The following FHOD3 variants were observed in gnomAD, a reference collection of about 807,000 sequenced individuals.
The protein encoded by FHOD3 is formin homology 2 domain containing 3, also known as FH1/FH2 domain-containing protein 3.
In FHOD3, 90 loss-of-function variants were observed where a neutral mutation model predicts 173.0. That is an observed-to-expected ratio of 0.52 (90% CI 0.44 to 0.62). The LOEUF is 0.62. Among genes scored for constraint, FHOD3 ranks in the 20% least tolerant of loss-of-function variants. The pLI is 0.00. For missense variants in FHOD3, 1,945 were observed against 2,034.7 expected, an observed-to-expected ratio of 0.96 and a Z score of 0.85; for synonymous variants, 828 against 823.0, an observed-to-expected ratio of 1.01 and a Z score of -0.10.
intron 18 of FHOD3, among the ~76,000 whole-genome samples, chr18:36,715,163 A>G (rs1021998662): frequency 6.6e-6 from 1 of 152,202 alleles, no homozygotes; most frequent in Admixed American, 6.5e-5. Context: ...CTCATCTTGA[A>G]TTATAGTTCC....
chr18:36,709,179 A>G lies in FHOD3; in HGVS notation c.2321A>G (p.Gln774Arg), dbSNP rs61735994. Residue 774 changes from glutamine to arginine, a missense_variant, in exon 18 of 29, where the codon CAG becomes CGG. By Grantham distance (43) the Gln-to-Arg change is conservative. Coordinates refer to ENST00000590592, the MANE Select transcript of FHOD3 (RefSeq NM_001281740.3). ...GGGCAGGTTGCTGATGAAGCTGGCC[A>G]GGACATAGCCTCTGCCCACGAGGGT... The part of the protein sequence containing the change: ...GAGQVADEAG[Q>R]DIASAHEGAE... The G allele has an allele frequency of 0.03, 48,866 of 1,614,202 alleles. 857 individuals are homozygous for G. Among genetic ancestry groups the G allele is most frequent in the Middle Eastern group, 0.057 (344 of 6,062 alleles).
intron 14 of FHOD3, among the ~76,000 whole-genome samples, chr18:36,666,863 A>G (rs890543648): frequency 2.6e-5 from 4 of 152,180 alleles, no homozygotes; most frequent in African/African-American, 9.6e-5. Context: ...CAATGGAGAT[A>G]ATGTGCATAT....
chr18:36,693,319 C>A lies in FHOD3; in HGVS notation c.2132C>A (p.Ala711Asp), dbSNP rs1301612256. 1 of 1,613,840 alleles carries A rather than the reference C, an allele frequency of 6.2e-7. No individual in the cohort carries two copies. The highest frequency in any genetic ancestry group is 8.5e-7 in the Non-Finnish European group (1 of 1,179,800). The change falls in exon 17 of 29, where the codon GCC becomes GAC. Residue 711 changes from alanine (A) to aspartate (D), a missense_variant. By Grantham distance (126) the Ala-to-Asp change is moderately radical. Around this residue, in one of 5 missense-constraint regions of FHOD3, gnomAD observed 1,099 missense variants for 1,051.2 expected, o/e 1.05. Coordinates refer to ENST00000590592, the MANE Select transcript of FHOD3 (RefSeq NM_001281740.3). ...TCCTTGGACCTGACCTCGCCAGCAG[C>A]CCCAGCCTGCCTGGCTCCTCTGAGC... ...DLSLDLTSPA[A>D]PACLAPLSHS...
rs1407866571 is a variant in FHOD3, at chr18:36,374,253, G to A, written c.337+1509G>A. ...ACTTCTGTATCCTATCGTCCCATGTGATAGATGTAAGATGTGTGACATCTT... is the reference window on the plus strand; with the variant it reads ...ACTTCTGTATCCTATCGTCCCATGTAATAGATGTAAGATGTGTGACATCTT... On this transcript the variant is annotated intron_variant, in intron 3 of 28. Coordinates refer to ENST00000590592, the MANE Select transcript of FHOD3 (RefSeq NM_001281740.3). Among the ~76,000 whole-genome samples, 12 of 152,282 alleles carry A rather than the reference G, an allele frequency of 7.9e-5. No individual in the cohort carries two copies. In the East Asian group the frequency reaches 1.4e-3, roughly 17 times the overall value.
intron 3 of FHOD3, among the ~76,000 whole-genome samples, chr18:36,459,253 A>C (rs2052409233): frequency 6.6e-6 from 1 of 152,248 alleles, no homozygotes; most frequent in African/African-American, 2.4e-5. Context: ...TTGGGCAGAT[A>C]AGTGATACAT....
chr18:36,417,534 A>G (rs761290875), intron 3 of FHOD3, among the ~76,000 whole-genome samples: 1 of 152,204 alleles, frequency 6.6e-6, no homozygotes, highest in Admixed American at 6.5e-5. Flanking sequence ...GAACGTGTGC[A>G]TGTGTCTTTA....
chr18:36,343,692 A>G (rs1301409850), intron 1 of FHOD3, among the ~76,000 whole-genome samples: 2 of 152,110 alleles, frequency 1.3e-5, no homozygotes, highest in African/African-American at 2.4e-5. Flanking sequence ...TTTTGTCATG[A>G]GTGGAAGCAG....
chr18:36,637,920 G>T (rs1373557813), intron 10 of FHOD3, among the ~76,000 whole-genome samples: 1 of 152,154 alleles, frequency 6.6e-6, no homozygotes, highest in Non-Finnish European at 1.5e-5. Flanking sequence ...TAGAAGAAAT[G>T]CACAATACCA....
intron 5 of FHOD3, among the ~76,000 whole-genome samples, chr18:36,562,550 A>T (rs886356543): frequency 3.3e-5 from 5 of 152,206 alleles, no homozygotes; most frequent in Non-Finnish European, 7.3e-5. Context: ...TGCCATTTCC[A>T]GCCATTTGGA....
At chr18:36,603,372 T>G (rs1036956981) in intron 8 of FHOD3, among the ~76,000 whole-genome samples, 7 of 152,114 alleles carry the variant, frequency 4.6e-5, no homozygotes, top group African/African-American at 1.4e-4. Flanking sequence ...GTGTGTGTGC[T>G]TGTGAAGGCC....
At chr18:36,695,353 T>TA (rs56112529) in intron 17 of FHOD3, among the ~76,000 whole-genome samples, 4,364 of 108,928 alleles carry the variant, frequency 0.04, 168 homozygotes, top group African/African-American at 0.12. Context: ...GTCTCAAAAA[T>TA]AAAAAAAAAA....
chr18:36,389,178 A>G lies in FHOD3; in HGVS notation c.337+16434A>G, dbSNP rs566161251. 1.7e-3 allele frequency among the ~76,000 whole-genome samples: 265 copies of G among 152,096 alleles called. 1 individual carries two copies. Among genetic ancestry groups the G allele is most frequent in the Admixed American group, 3.4e-3 (52 of 15,274 alleles). On this transcript the variant is annotated intron_variant, in intron 3 of 28. Coordinates refer to ENST00000590592, the MANE Select transcript of FHOD3 (RefSeq NM_001281740.3). ...CGAATAAAGATGCATTGATGCTTCA[A>G]AAAAAAAGAAGAAGAAGAAGAGGAA...
intron 3 of FHOD3, among the ~76,000 whole-genome samples, chr18:36,411,159 C>G (rs1163118927): frequency 3.9e-5 from 6 of 152,146 alleles, no homozygotes; most frequent in African/African-American, 1.4e-4. Flanking sequence ...ATTTAGGTCT[C>G]TGATCCATTT....
intron 24 of FHOD3, among the ~76,000 whole-genome samples, chr18:36,751,071 A>G (rs1190043622): frequency 6.6e-6 from 1 of 152,218 alleles, no homozygotes; most frequent in Non-Finnish European, 1.5e-5. Flanking sequence ...TGCTTTGGGC[A>G]GTATGGCCAT....
chr18:36,569,544 G>A (rs2058383871), intron 5 of FHOD3, among the ~76,000 whole-genome samples: 1 of 152,098 alleles, frequency 6.6e-6, no homozygotes, highest in Non-Finnish European at 1.5e-5. Flanking sequence ...CTGAAAATCA[G>A]CAAGGCTATG....
intron 3 of FHOD3, among the ~76,000 whole-genome samples, chr18:36,416,764 A>G (rs1022935058): frequency 6.6e-6 from 1 of 151,984 alleles, no homozygotes; most frequent in Non-Finnish European, 1.5e-5. Context: ...TGCAGATCTG[A>G]TTGGGATACT....
intron 3 of FHOD3, among the ~76,000 whole-genome samples, chr18:36,374,674 C>T (rs3744898): frequency 0.019 from 2,840 of 152,310 alleles, 87 homozygotes; most frequent in Admixed American, 0.085. Flanking sequence ...AGAAACTAGA[C>T]TGGAAATCAG....
intron 8 of FHOD3, among the ~76,000 whole-genome samples, chr18:36,609,147 G>C (rs2148583252): frequency 6.6e-6 from 1 of 152,360 alleles, no homozygotes; most frequent in South Asian, 2.1e-4. Flanking sequence ...CAGGAGGAGG[G>C]ATACCAAGTG....
rs1386739193 is a variant in FHOD3 at position 36,681,468 on chromosome 18, T to C, written c.1868T>C (p.Phe623Ser). 2 of 1,613,660 alleles carry C rather than the reference T, an allele frequency of 1.2e-6. No homozygotes were observed. The highest frequency in any genetic ancestry group is 4.5e-5 in the East Asian group (2 of 44,880). The change falls in exon 15 of 29, where the codon TTC (phenylalanine) becomes TCC (serine). Residue 623 changes from phenylalanine to serine, a missense_variant. Around this residue, in one of 5 missense-constraint regions of FHOD3, gnomAD observed 1,099 missense variants for 1,051.2 expected, o/e 1.05. Transcript: ENST00000590592. ...SSPSGLLTSS[F>S]RQHQESLAAE... is the part of the protein sequence containing the mutation. The stretch of plus-strand genomic sequence containing the variant: ...CCGAGTGGTCTTCTCACATCATCCT[T>C]CAGGCAGCACCAAGAGTCACTGGCA...
Sources: allele counts gnomAD v4.1 joint callset (sites outside exome capture counted in the v4.1 genomes callset), GRCh38; gene constraint gnomAD v4.1.1; regional missense constraint gnomAD v4.1.1; transcripts MANE v1.5; gene names NCBI Gene and HGNC (gene_info 2026-07-23, HGNC 2026-07-21).